The following RBFOX1 variants were observed in gnomAD, a reference collection of about 807,000 sequenced individuals.
RBFOX1 encodes RNA binding protein fox-1 homolog 1.
A neutral mutation model predicts 57.7 loss-of-function variants in RBFOX1; 8 were observed. The ratio of observed to expected loss-of-function variants is 0.14; its 90% CI spans 0.08 to 0.25. The LOEUF (loss-of-function observed/expected upper bound fraction) is 0.25. Ranked by LOEUF, RBFOX1 falls within the 10% of genes least tolerant of loss-of-function variation. The pLI is 1.00. For missense variants in RBFOX1, 611 were observed against 548.5 expected, an observed-to-expected ratio of 1.11 and a Z score of -1.14; for synonymous variants, 326 against 222.4, an observed-to-expected ratio of 1.47 and a Z score of -4.15.
In RBFOX1 at chr16:5,969,764, C is replaced by T. The variant is rs77354071; in HGVS notation, c.351+102429C>T. 6.8e-3 allele frequency among the ~76,000 whole-genome samples: 1,039 copies of T among 151,986 alleles called. 14 individuals carry two copies. Among genetic ancestry groups the T allele is most frequent in the African/African-American group, 0.023 (957 of 41,476 alleles). On this transcript the variant is annotated intron_variant, in intron 4 of 19. Transcript: ENST00000641259. The stretch of plus-strand genomic sequence containing the variant: ...TCCCTTGCTGTCTGCGATGTCTGTC[C>T]CCTCCTCCTCACCACCATCACTTTT...
At chr16:6,248,186 G>A (rs1284269562) in intron 1 of RBFOX1, among the ~76,000 whole-genome samples, 1 of 152,132 alleles carries the variant, frequency 6.6e-6, no homozygotes, top group Non-Finnish European at 1.5e-5. Context: ...CAAAAAAAAG[G>A]AAATAGAATA....
chr16:5,869,487 C>T (rs545909890), intron 4 of RBFOX1, among the ~76,000 whole-genome samples: 95 of 152,236 alleles, frequency 6.2e-4, no homozygotes, highest in African/African-American at 2.1e-3. Flanking sequence ...CTGCAACCTC[C>T]GCCTCCCAGG....
intron 2 of RBFOX1, among the ~76,000 whole-genome samples, chr16:5,493,345 C>A (rs2042896222): frequency 6.6e-6 from 1 of 152,146 alleles, no homozygotes. Context: ...GTCCTATGAC[C>A]CACCATGCTT....
At chr16:5,530,616 T>C (rs1219292025) in intron 2 of RBFOX1, among the ~76,000 whole-genome samples, 1 of 152,168 alleles carries the variant, frequency 6.6e-6, no homozygotes, top group Non-Finnish European at 1.5e-5. Context: ...ATTCTGTGCA[T>C]TGTGGAATGT....
intron 3 of RBFOX1, among the ~76,000 whole-genome samples, chr16:6,892,775 CCTCTCTCTCTCTCTCTCTCTCTCTCT>C (rs750285832): frequency 0.013 from 1,119 of 84,760 alleles, 32 homozygotes; most frequent in African/African-American, 0.05. Context: ...TCCCTGTCTC[CCTCTCTCTCTCTCTCTCTCTCTCTCT>C]CTCTCTCTCT....
At chr16:7,054,509 G>A (rs1274987189) in intron 4 of RBFOX1, among the ~76,000 whole-genome samples, 1 of 136,676 alleles carries the variant, frequency 7.3e-6, no homozygotes, top group Non-Finnish European at 1.5e-5. Flanking sequence ...CCAAGGTGAT[G>A]GGATTACAGG....
chr16:5,525,802 G>A (rs1005555722), intron 2 of RBFOX1, among the ~76,000 whole-genome samples: 1 of 151,982 alleles, frequency 6.6e-6, no homozygotes, highest in Non-Finnish European at 1.5e-5. Flanking sequence ...CCAGCCTAGA[G>A]CCCACAGTCT....
intron 3 of RBFOX1, among the ~76,000 whole-genome samples, chr16:5,686,905 G>C (rs910932923): frequency 8.5e-5 from 13 of 152,110 alleles, no homozygotes; most frequent in Non-Finnish European, 1.8e-4. Flanking sequence ...GATTTAATGA[G>C]CCTGGATTTA....
intron 4 of RBFOX1, among the ~76,000 whole-genome samples, chr16:7,077,521 C>T (rs575994147): frequency 2.6e-5 from 4 of 152,242 alleles, no homozygotes; most frequent in South Asian, 2.1e-4. Context: ...GGATATGGTA[C>T]AGTGAAATGC....
At chr16:7,019,026 A>G (rs2094067044) in intron 3 of RBFOX1, among the ~76,000 whole-genome samples, 1 of 152,002 alleles carries the variant, frequency 6.6e-6, no homozygotes, top group East Asian at 1.9e-4. Context: ...CTTGTTCAGA[A>G]CTGAAAAAAA....
At chr16:5,937,720 T>C (rs2059195767) in intron 4 of RBFOX1, among the ~76,000 whole-genome samples, 1 of 149,488 alleles carries the variant, frequency 6.7e-6, no homozygotes, top group African/African-American at 2.4e-5. Flanking sequence ...TAGTTATATA[T>C]AGTTACATAT....
chr16:5,494,364 A>G (rs1176691202), intron 2 of RBFOX1, among the ~76,000 whole-genome samples: 6 of 152,320 alleles, frequency 3.9e-5, no homozygotes, highest in African/African-American at 7.2e-5. Context: ...TCTGACCTGC[A>G]TGTGTCAGGG....
At chr16:5,455,806 C>G (rs1381271719) in intron 1 of RBFOX1, among the ~76,000 whole-genome samples, 1 of 152,056 alleles carries the variant, frequency 6.6e-6, no homozygotes, top group Non-Finnish European at 1.5e-5. Flanking sequence ...GGGTGCTTGG[C>G]TAGAGAACCC....
intron 4 of RBFOX1, among the ~76,000 whole-genome samples, chr16:7,446,465 T>C (rs2098808404): frequency 6.6e-6 from 1 of 152,200 alleles, no homozygotes; most frequent in African/African-American, 2.4e-5. Flanking sequence ...GGGTGAGTGC[T>C]CACATTTGCC....
At chr16:6,580,394 C>G (rs537678627) in intron 2 of RBFOX1, among the ~76,000 whole-genome samples, 1 of 152,292 alleles carries the variant, frequency 6.6e-6, no homozygotes, top group African/African-American at 2.4e-5. Context: ...GAGAGGAGCA[C>G]TACTTCCTAA....
intron 3 of RBFOX1, among the ~76,000 whole-genome samples, chr16:5,635,357 G>C (rs549806445): frequency 3.8e-4 from 58 of 152,296 alleles, no homozygotes; most frequent in African/African-American, 1.3e-3. Context: ...CCCTCTCTCT[G>C]AATGTGGTTC....
chr16:6,658,806 T>A (rs1300452737), intron 3 of RBFOX1, among the ~76,000 whole-genome samples: 1 of 152,100 alleles, frequency 6.6e-6, no homozygotes, highest in Non-Finnish European at 1.5e-5. Context: ...CCTGCTTGGA[T>A]GGTTCCTGGC....
intron 1 of RBFOX1, among the ~76,000 whole-genome samples, chr16:6,258,863 C>T (rs1392920071): frequency 6.6e-6 from 1 of 152,096 alleles, no homozygotes; most frequent in Non-Finnish European, 1.5e-5. Flanking sequence ...CAAAACATCT[C>T]ATGTACCCCA....
chr16:5,297,915 C>T (rs2063707950), intron 1 of RBFOX1, among the ~76,000 whole-genome samples: 1 of 152,292 alleles, frequency 6.6e-6, no homozygotes, highest in South Asian at 2.1e-4. Flanking sequence ...GTATTAATGT[C>T]TTTAACATTT....
Sources: allele counts gnomAD v4.1 joint callset (sites outside exome capture counted in the v4.1 genomes callset), GRCh38; gene constraint gnomAD v4.1.1; transcripts MANE v1.5; gene names NCBI Gene and HGNC (gene_info 2026-07-23, HGNC 2026-07-21).